HNRNPC: variants seen among roughly 807,000 people sequenced by gnomAD.
The protein encoded by HNRNPC is heterogeneous nuclear ribonucleoprotein C.
A neutral mutation model predicts 33.2 loss-of-function variants in HNRNPC; 3 were observed. That is an observed-to-expected ratio of 0.09 (90% CI 0.04 to 0.23). HNRNPC has a LOEUF of 0.23. HNRNPC is among the 10% of genes least tolerant of loss of function. HNRNPC has a pLI of 1.00. For missense variants in HNRNPC, 143 were observed against 366.7 expected (o/e 0.39, Z 4.98); for synonymous variants, 121 against 126.7 (o/e 0.96, Z 0.30).
rs1894876711 is a variant in HNRNPC, at chr14:21,237,792, AG to A, written c.-36-3564del. Among the ~76,000 whole-genome samples, 7 of 151,818 alleles carry A rather than the reference AG, an allele frequency of 4.6e-5. No individual in the cohort carries two copies. The South Asian group carries it at 1.5e-3, about 32-fold the overall frequency. On this transcript the variant is annotated intron_variant, in intron 2 of 8. Coordinates refer to ENST00000553300, the MANE Select transcript of HNRNPC (RefSeq NM_004500.4). Reference sequence around the variant, plus strand: ...TCACATTTTTTTTTTAATTTTTTTGAGTTGGAGTTTCACTCGTTGCCAAGGA... The same window carrying A: ...TCACATTTTTTTTTTAATTTTTTTGATTGGAGTTTCACTCGTTGCCAAGGA...
chr14:21,260,072 C>T (rs969940060), intron 2 of HNRNPC, among the ~76,000 whole-genome samples: 4 of 144,674 alleles, frequency 2.8e-5, no homozygotes, highest in Admixed American at 7.1e-5. Context: ...TAGTGGCGGG[C>T]GCCTGTAGTC....
At chr14:21,231,276 G>C in intron 3 of HNRNPC, 1 of 668,542 alleles carries the variant, frequency 1.5e-6, no homozygotes, top group Middle Eastern at 2.4e-4. Context: ...TGTCACTACA[G>C]GCGGGCACCA....
intron 2 of HNRNPC, among the ~76,000 whole-genome samples, chr14:21,256,314 T>A (rs1289341067): frequency 6.6e-6 from 1 of 152,018 alleles, no homozygotes; most frequent in Non-Finnish European, 1.5e-5. Flanking sequence ...CTGGGCTTGG[T>A]GGCTGGTGCC....
At chr14:21,246,118 C>T (rs1895953235) in intron 2 of HNRNPC, among the ~76,000 whole-genome samples, 1 of 152,118 alleles carries the variant, frequency 6.6e-6, no homozygotes, top group South Asian at 2.1e-4. Context: ...ACCACCACAC[C>T]TGGCCTGCTC....
chr14:21,228,393 A>G (rs757503086), intron 5 of HNRNPC, among the ~76,000 whole-genome samples: 4 of 152,028 alleles, frequency 2.6e-5, no homozygotes, highest in Non-Finnish European at 5.9e-5. Context: ...ATTGATTTTT[A>G]TTTTGTTTTA....
At chr14:21,235,008 T>C (rs1319396041) in intron 2 of HNRNPC, among the ~76,000 whole-genome samples, 1 of 152,084 alleles carries the variant, frequency 6.6e-6, no homozygotes, top group Admixed American at 6.6e-5. Flanking sequence ...ACGGCATGAA[T>C]CAAATTAAAG....
chr14:21,213,381 C>T, intron 5 of HNRNPC: 1 of 409,298 alleles, frequency 2.4e-6, no homozygotes, highest in Non-Finnish European at 4.4e-6. Context: ...ATATGGTTGG[C>T]TGGCCTTTGG....
At chr14:21,242,723 AC>A (rs1243193145) in intron 2 of HNRNPC, among the ~76,000 whole-genome samples, 5 of 152,196 alleles carry the variant, frequency 3.3e-5, no homozygotes, top group African/African-American at 1.2e-4. Flanking sequence ...TTGTAGGACA[AC>A]CTAACATTGC....
intron 2 of HNRNPC, among the ~76,000 whole-genome samples, chr14:21,248,842 A>G (rs900019084): frequency 2.0e-5 from 3 of 152,234 alleles, no homozygotes; most frequent in Non-Finnish European, 4.4e-5. Flanking sequence ...TTTTTGACTC[A>G]GTAATTTTAA....
chr14:21,247,287 G>C (rs1896089421), intron 2 of HNRNPC, among the ~76,000 whole-genome samples: 1 of 152,104 alleles, frequency 6.6e-6, no homozygotes, highest in South Asian at 2.1e-4. Context: ...CCAGCGTTAA[G>C]AAAATTTCAG....
chr14:21,224,701 T>C (rs1437987136), intron 5 of HNRNPC, among the ~76,000 whole-genome samples: 2 of 152,126 alleles, frequency 1.3e-5, no homozygotes, highest in African/African-American at 4.8e-5. Flanking sequence ...TCCCAGAACA[T>C]GTAATACAAA....
intron 3 of HNRNPC, among the ~76,000 whole-genome samples, chr14:21,233,705 C>T (rs1305753643): frequency 6.6e-6 from 1 of 152,132 alleles, no homozygotes; most frequent in Non-Finnish European, 1.5e-5. Context: ...TGTGAAGTGT[C>T]ATTCCCAGCT....
At chr14:21,266,986 G>A (rs534114963) in intron 1 of HNRNPC, among the ~76,000 whole-genome samples, 6 of 150,984 alleles carry the variant, frequency 4.0e-5, no homozygotes, top group Non-Finnish European at 7.4e-5. Flanking sequence ...AGCTACTCGG[G>A]AAGCCGAGGC....
intron 2 of HNRNPC, among the ~76,000 whole-genome samples, chr14:21,259,309 C>G (rs1437983376): frequency 6.6e-6 from 1 of 152,152 alleles, no homozygotes; most frequent in Admixed American, 6.5e-5. Context: ...ATCTTCTCAT[C>G]CACGCTCTTC....
intron 2 of HNRNPC, among the ~76,000 whole-genome samples, chr14:21,237,825 G>C (rs773687630): frequency 1.3e-5 from 2 of 152,026 alleles, no homozygotes; most frequent in African/African-American, 2.4e-5. Context: ...AGGATGGAGT[G>C]CAATGGAGCA....
intron 2 of HNRNPC, among the ~76,000 whole-genome samples, chr14:21,253,922 G>A (rs1039772113): frequency 1.3e-5 from 2 of 151,778 alleles, no homozygotes; most frequent in East Asian, 3.9e-4. Context: ...TAAAAAATTA[G>A]CTGGGTGTGT....
At chr14:21,249,410 A>G (rs1252733401) in intron 2 of HNRNPC, among the ~76,000 whole-genome samples, 2 of 142,800 alleles carry the variant, frequency 1.4e-5, no homozygotes, top group East Asian at 4.0e-4. Flanking sequence ...CCCTATCTCT[A>G]CTAAAAATAC....
intron 5 of HNRNPC, among the ~76,000 whole-genome samples, chr14:21,228,389 T>G (rs1045598701): frequency 2.0e-5 from 3 of 152,124 alleles, no homozygotes; most frequent in African/African-American, 7.2e-5. Flanking sequence ...CTCCATTGAT[T>G]TTTATTTTGT....
chr14:21,257,103 GCA>G (rs1208787450), intron 2 of HNRNPC, among the ~76,000 whole-genome samples: 1 of 152,222 alleles, frequency 6.6e-6, no homozygotes, highest in Non-Finnish European at 1.5e-5. Context: ...AACATCAGGA[GCA>G]CAGTTTTGCA....
Sources: allele counts gnomAD v4.1 joint callset (sites outside exome capture counted in the v4.1 genomes callset), GRCh38; gene constraint gnomAD v4.1.1; transcripts MANE v1.5; gene names NCBI Gene and HGNC (gene_info 2026-07-23, HGNC 2026-07-21).